Variants in ZNF506 observed in about 807,000 individuals in gnomAD.
ZNF506 encodes the protein zinc finger protein 506.
Under a neutral mutation model 11.6 loss-of-function variants are expected in ZNF506, and 10 were observed. The ratio of observed to expected loss-of-function variants is 0.86; its 90% CI spans 0.53 to 1.46. ZNF506 has a LOEUF of 1.46. ZNF506 is among the 40% of genes most tolerant of loss of function. The probability of loss-of-function intolerance (pLI) is 0.00; values close to 1 mark genes in which losing one functional copy is unlikely to be tolerated. For missense variants in ZNF506, 425 were observed against 521.2 expected (o/e 0.82, Z 1.80); for synonymous variants, 156 against 173.3 (o/e 0.90, Z 0.78).
At chr19:19,810,544 G>C (rs979328214) in intron 1 of ZNF506, among the ~76,000 whole-genome samples, 2 of 151,694 alleles carry the variant, frequency 1.3e-5, no homozygotes, top group Admixed American at 6.6e-5. Context: ...TCTATTTATC[G>C]GTCATCAAAA....
intron 1 of ZNF506, among the ~76,000 whole-genome samples, chr19:19,808,843 C>CAA (rs35282430): frequency 0.07 from 5,738 of 82,504 alleles, 676 homozygotes; most frequent in African/African-American, 0.23. Flanking sequence ...GACTCTGTCT[C>CAA]AAAAAAAAAA....
rs2062731930 is a variant in ZNF506, at chr19:19,795,384, G to C, written c.503C>G (p.Thr168Ser). 1 of 1,606,676 alleles carries C rather than the reference G, an allele frequency of 6.2e-7. No homozygotes were observed. Among genetic ancestry groups the C allele is most frequent in the African/African-American group, 1.3e-5 (1 of 74,512 alleles). The change falls in exon 4 of 4, where the codon ACT becomes AGT. Residue 168 changes from threonine to serine, a missense_variant. Transcript: ENST00000540806. ...TATACATTTAAAAGATTTTTTTCCA[G>C]TATCTCTTATCTTATGTTTGTTTGA... Reference protein sequence around the residue: ...SNSNKHKIRDTGKKSFKCIEY... With the variant: ...SNSNKHKIRDSGKKSFKCIEY...
intron 2 of ZNF506, 104 bp from the exon 3 acceptor site, chr19:19,806,230 A>C: frequency 1.3e-6 from 1 of 748,438 alleles, no homozygotes; most frequent in Non-Finnish European, 1.9e-6. Flanking sequence ...CTAGTAAATT[A>C]ATACTAAAAT....
intron 3 of ZNF506, chr19:19,797,447 A>C (rs566093834): frequency 6.6e-6 from 1 of 151,714 alleles, no homozygotes; most frequent in African/African-American, 2.4e-5. Context: ...AAAAAAAAAA[A>C]AAAAAAAACA....
chr19:19,813,967 AC>A (rs1248715015), intron 1 of ZNF506, among the ~76,000 whole-genome samples: 1 of 152,066 alleles, frequency 6.6e-6, no homozygotes, highest in Non-Finnish European at 1.5e-5. Flanking sequence ...AATAAGTGAG[AC>A]CCTGTCTCCA....
At chr19:19,817,068 T>C (rs2062938660) in intron 1 of ZNF506, among the ~76,000 whole-genome samples, 1 of 152,112 alleles carries the variant, frequency 6.6e-6, no homozygotes, top group African/African-American at 2.4e-5. Context: ...CCCAACTTGC[T>C]GGGATTACAT....
At position 19,807,068 on chromosome 19, in the gene ZNF506, C is replaced by T. The variant is rs980076021; in HGVS notation, c.4G>A (p.Gly2Arg). 6.2e-7 allele frequency: 1 copy of T among 1,612,886 alleles called. No homozygotes were observed. The highest frequency in any genetic ancestry group is 8.5e-7 in the Non-Finnish European group (1 of 1,179,536). The change falls in exon 2 of 4, where the codon GGA becomes AGA. Residue 2 changes from glycine (G) to arginine (R), a missense_variant and splice_region_variant. This residue lies in a region of ZNF506 where 226 missense variants were observed against 279.1 expected (regional missense o/e 0.81). Coordinates refer to ENST00000540806, the MANE Select transcript of ZNF506 (RefSeq NM_001099269.3). M[G>R]PLQFRDVAIE... The stretch of plus-strand genomic sequence containing the variant: ...GCCACATCTCTAAATTGCAATGGTC[C>T]CTGAAAAAAACACACACACTTATTT...
rs773402718 is a variant in ZNF506 at position 19,794,563 on chromosome 19, T to C, written c.1324A>G (p.Ser442Gly). The part of the protein sequence containing the change: ...NLLNVPQPLI[S>G]IR ...CTCTCCAGTATGAATTATCTTATGC[T>C]TATTAAGGGTTGAGGAACATTTAAA... The change falls in exon 4 of 4, where the codon AGC (serine) becomes GGC (glycine). Residue 442 changes from serine to glycine, a missense_variant. Physicochemically the swap from Ser to Gly is moderately conservative, Grantham distance 56. This residue lies in a region of ZNF506 where 192 missense variants were observed against 215.7 expected (regional missense o/e 0.89). Coordinates refer to ENST00000540806, the MANE Select transcript of ZNF506 (RefSeq NM_001099269.3). 1 of 1,591,166 alleles carries C rather than the reference T, an allele frequency of 6.3e-7. No homozygotes were observed. The highest frequency in any genetic ancestry group is 8.5e-7 in the Non-Finnish European group (1 of 1,170,686).
At chr19:19,798,654 C>CAAAAAAAAAA (rs1169444252) in intron 3 of ZNF506, 5 of 39,422 alleles carry the variant, frequency 1.3e-4, no homozygotes, top group East Asian at 6.6e-4. Context: ...GACTCCGTCT[C>CAAAAAAAAAA]AAAAAAAAAA....
chr19:19,794,566 T>C lies in ZNF506; in HGVS notation c.1321A>G (p.Ile441Val). Residue 441 changes from isoleucine (I) to valine (V), a missense_variant, in exon 4 of 4, where the codon ATA (isoleucine) becomes GTA (valine). By Grantham distance (29) the Ile-to-Val change is conservative. Transcript: ENST00000540806. ...ENLLNVPQPL[I>V]SIR ...TCCAGTATGAATTATCTTATGCTTA[T>C]TAAGGGTTGAGGAACATTTAAAAGA... 1 of 1,592,406 alleles carries C rather than the reference T, an allele frequency of 6.3e-7. No homozygotes were observed.
rs2062722304 is a variant in ZNF506, at chr19:19,794,639, C to A, written c.1248G>T (p.Lys416Asn). The A allele has an allele frequency of 6.2e-7, 1 of 1,613,392 alleles. No individual in the cohort carries two copies. The highest frequency in any genetic ancestry group is 1.3e-5 in the African/African-American group (1 of 74,970). The change falls in exon 4 of 4, where the codon AAG (lysine) becomes AAT (asparagine). Residue 416 changes from lysine (K) to asparagine (N), a missense_variant. Physicochemically the swap from Lys to Asn is moderately conservative, Grantham distance 94 (BLOSUM62 0). This residue lies in a region of ZNF506 where 192 missense variants were observed against 215.7 expected (regional missense o/e 0.89). Coordinates refer to ENST00000540806, the MANE Select transcript of ZNF506 (RefSeq NM_001099269.3). Reference protein sequence around the residue: ...FNWSSALNKHKKIHIRQKPCI... With the variant: ...FNWSSALNKHNKIHIRQKPCI... ...AGGGTTTCTGTCTAATATGAATTTTCTTATGTTTATTAAGGGCTGAGGACC... is the reference window on the plus strand; with the variant it reads ...AGGGTTTCTGTCTAATATGAATTTTATTATGTTTATTAAGGGCTGAGGACC...
intron 1 of ZNF506, among the ~76,000 whole-genome samples, chr19:19,811,433 A>C (rs1190206631): frequency 1.3e-5 from 2 of 152,224 alleles, no homozygotes; most frequent in Non-Finnish European, 2.9e-5. Context: ...CTGGGAATAC[A>C]GGCATGAGCC....
At chr19:19,816,762 T>C (rs1001437316) in intron 1 of ZNF506, among the ~76,000 whole-genome samples, 6 of 150,850 alleles carry the variant, frequency 4.0e-5, no homozygotes, top group African/African-American at 1.5e-4. Context: ...GGCTGAGTGC[T>C]GGGATTACAG....
In ZNF506 at chr19:19,797,445, A is replaced by T. The variant is rs1269717775; in HGVS notation, c.227-1785T>A. The T allele has an allele frequency of 4.0e-5, 6 of 151,862 alleles. No individual in the cohort carries two copies. In the East Asian group the frequency reaches 5.8e-4, roughly 15 times the overall value. The allele number at this position is 151,862 out of a possible 1,614,324, so 9.4% of individuals were successfully genotyped here. A position where few individuals can be genotyped will look rare whatever the true frequency, so the allele number is the denominator to read the frequency against. On this transcript the variant is annotated intron_variant, in intron 3 of 3. Coordinates refer to ENST00000540806, the MANE Select transcript of ZNF506 (RefSeq NM_001099269.3). Reference sequence around the variant, plus strand: ...CGAGACTCCGTCTCAGGAAAAAAAAAAAAAAAAAAACAAATAAAATAAATT... The same window carrying T: ...CGAGACTCCGTCTCAGGAAAAAAAATAAAAAAAAAACAAATAAAATAAATT...
chr19:19,812,373 A>G (rs536842739), intron 1 of ZNF506, among the ~76,000 whole-genome samples: 1 of 152,374 alleles, frequency 6.6e-6, no homozygotes, highest in South Asian at 2.1e-4. Flanking sequence ...TCCCTGGTGG[A>G]ACTCCACAAC....
At chr19:19,806,184 G>A in intron 2 of ZNF506, 58 bp from the exon 3 acceptor site, 1 of 1,291,254 alleles carries the variant, frequency 7.7e-7, no homozygotes, top group Non-Finnish European at 1.1e-6. Flanking sequence ...TTACAAGCTA[G>A]TACTGTGCTC....
intron 1 of ZNF506, among the ~76,000 whole-genome samples, chr19:19,810,068 T>G (rs2062872450): frequency 6.6e-6 from 1 of 152,214 alleles, no homozygotes; most frequent in African/African-American, 2.4e-5. Context: ...ATAAATCACT[T>G]GGTAATTTTG....
In ZNF506 at chr19:19,795,822, TACTG is replaced by T. The variant is rs1825373019; in HGVS notation, c.227-166_227-163del. 4 of 704,468 alleles carry T rather than the reference TACTG, an allele frequency of 5.7e-6. No individual in the cohort carries two copies. In the South Asian group the frequency reaches 1.0e-4, roughly 18 times the overall value. 43.6% of individuals were successfully genotyped at this position (704,468 alleles called of 1,614,324 possible). ...TGGATATATAACTGTAACAAAAACA[TACTG>T]ACCAAAATACATTTGTAAAAAATTT... On this transcript the variant is annotated intron_variant, in intron 3 of 3. Transcript: ENST00000540806.
intron 3 of ZNF506, among the ~76,000 whole-genome samples, chr19:19,800,675 G>A (rs866488607): frequency 1.7e-4 from 26 of 151,288 alleles, no homozygotes; most frequent in African/African-American, 5.1e-4. Context: ...TTGGCCTCCC[G>A]AAGTGCTGGG....
Sources: allele counts gnomAD v4.1 joint callset (sites outside exome capture counted in the v4.1 genomes callset), GRCh38; gene constraint gnomAD v4.1.1; regional missense constraint gnomAD v4.1.1; transcripts MANE v1.5; gene names NCBI Gene and HGNC (gene_info 2026-07-23, HGNC 2026-07-21).